The following ARHGAP31 variants were observed in gnomAD, a reference collection of about 807,000 sequenced individuals.
ARHGAP31 encodes the protein rho GTPase-activating protein 31.
Under a neutral mutation model 113.9 loss-of-function variants are expected in ARHGAP31, and 34 were observed. The observed-to-expected ratio is 0.30, with a 90% CI of 0.23 to 0.40. The LOEUF is 0.40. Ranked by LOEUF, ARHGAP31 falls within the 10% of genes least tolerant of loss-of-function variation. ARHGAP31 has a pLI of 1.00. For synonymous variants in ARHGAP31, 650 were observed against 684.8 expected (o/e 0.95, Z 0.79); for missense variants, 1,548 against 1,767.1 (o/e 0.88, Z 2.22).
intron 1 of ARHGAP31, among the ~76,000 whole-genome samples, chr3:119,335,896 G>A (rs950003153): frequency 8.5e-5 from 13 of 152,228 alleles, no homozygotes; most frequent in South Asian, 2.1e-4. Context: ...ATTCTGGCCA[G>A]GAGCGGTAGC....
At chr3:119,342,955 A>C (rs938827222) in intron 1 of ARHGAP31, among the ~76,000 whole-genome samples, 2 of 152,212 alleles carry the variant, frequency 1.3e-5, no homozygotes, top group Non-Finnish European at 2.9e-5. Context: ...GTCTCAAAAA[A>C]AAAAAATAAA....
intron 1 of ARHGAP31, among the ~76,000 whole-genome samples, chr3:119,310,122 C>T (rs1214798386): frequency 6.6e-6 from 1 of 152,194 alleles, no homozygotes; most frequent in Non-Finnish European, 1.5e-5. Context: ...AAATTATCCT[C>T]CCGTCAAGCT....
At chr3:119,395,393 G>T (rs2080541863) in intron 8 of ARHGAP31, among the ~76,000 whole-genome samples, 1 of 152,150 alleles carries the variant, frequency 6.6e-6, no homozygotes, top group Non-Finnish European at 1.5e-5. Context: ...GGCTTCAGGG[G>T]GTTTAATACA....
intron 1 of ARHGAP31, among the ~76,000 whole-genome samples, chr3:119,350,527 C>T (rs1446830638): frequency 6.6e-6 from 1 of 152,128 alleles, no homozygotes; most frequent in Non-Finnish European, 1.5e-5. Context: ...AGCTCTACAG[C>T]CTGGGAAACC....
Position 119,294,974 on chromosome 3 carries a change from A to G in ARHGAP31, c.70A>G (p.Thr24Ala). 4 of 1,614,066 alleles carry G rather than the reference A, an allele frequency of 2.5e-6. No individual in the cohort carries two copies. The highest frequency in any genetic ancestry group is 1.1e-5 in the South Asian group (1 of 91,078). ...CGCCAGCGCGTTTGGCTGTGACCTG[A>G]CGGAGTATCTGGAAAGCTCGGGACA... ...GAASAFGCDL[T>A]EYLESSGQDV... The change falls in exon 1 of 12, where the codon ACG (threonine) becomes GCG (alanine). Residue 24 changes from threonine to alanine, a missense_variant. By Grantham distance (58) the Thr-to-Ala change is moderately conservative. Transcript: ENST00000264245.
chr3:119,339,215 C>A (rs1438953804), intron 1 of ARHGAP31, among the ~76,000 whole-genome samples: 1 of 152,028 alleles, frequency 6.6e-6, no homozygotes, highest in African/African-American at 2.4e-5. Context: ...CAATGAAAGG[C>A]GAATTATAAG....
intron 1 of ARHGAP31, among the ~76,000 whole-genome samples, chr3:119,301,567 G>T (rs1305606409): frequency 6.6e-6 from 1 of 152,226 alleles, no homozygotes; most frequent in East Asian, 1.9e-4. Flanking sequence ...GTGGAAGCAG[G>T]TGTGAGGGGA....
intron 1 of ARHGAP31, among the ~76,000 whole-genome samples, chr3:119,348,598 T>C (rs1036788884): frequency 1.3e-5 from 2 of 152,232 alleles, no homozygotes; most frequent in African/African-American, 2.4e-5. Context: ...TAAAACGGTG[T>C]AGTATTTGCA....
At chr3:119,295,128 G>T in intron 1 of ARHGAP31, 124 bp downstream of exon 1, 1 of 854,886 alleles carries the variant, frequency 1.2e-6, no homozygotes. Flanking sequence ...TGCGCTCATT[G>T]CACTTTTTTT....
Position 119,415,174 on chromosome 3 carries a change from G to T in ARHGAP31, c.3245G>T (p.Gly1082Val). The part of the protein sequence containing the change: ...SPSVQDSTSP[G>V]EHPAKLQLKS... Reference sequence around the variant, plus strand: ...AGCGTGCAGGACAGCACTTCGCCTGGAGAGCACCCCGCAAAGTTACAGCTA... The same window carrying T: ...AGCGTGCAGGACAGCACTTCGCCTGTAGAGCACCCCGCAAAGTTACAGCTA... Residue 1082 changes from glycine to valine, a missense_variant, in exon 12 of 12, where the codon GGA becomes GTA. Gly to Val is a moderately radical substitution (Grantham distance 109, BLOSUM62 -3). Transcript: ENST00000264245. 1 of 1,614,214 alleles carries T rather than the reference G, an allele frequency of 6.2e-7. No individual in the cohort carries two copies. The highest frequency in any genetic ancestry group is 8.5e-7 in the Non-Finnish European group (1 of 1,180,040).
intron 8 of ARHGAP31, among the ~76,000 whole-genome samples, chr3:119,398,340 C>T (rs1329071514): frequency 3.3e-5 from 5 of 152,102 alleles, no homozygotes; most frequent in Admixed American, 1.3e-4. Context: ...AGCCCAAAAG[C>T]GGCAGAGCTG....
chr3:119,414,662 C>A lies in ARHGAP31; in HGVS notation c.2733C>A (p.Pro911=). The change falls in exon 12 of 12, where the codon CCC becomes CCA. Residue 911 remains proline (P), a synonymous_variant. Transcript: ENST00000264245. ...GLEMVEPWEE[P]QWVTSPLHSP... Reference sequence around the variant, plus strand: ...AGATGGTGGAGCCCTGGGAGGAACCCCAGTGGGTGACGAGTCCCCTTCACT... The same window carrying A: ...AGATGGTGGAGCCCTGGGAGGAACCACAGTGGGTGACGAGTCCCCTTCACT... 6.2e-7 allele frequency: 1 copy of A among 1,614,216 alleles called. No homozygotes were observed. Among genetic ancestry groups the A allele is most frequent in the Non-Finnish European group, 8.5e-7 (1 of 1,180,040 alleles).
At position 119,414,478 on chromosome 3, in the gene ARHGAP31, A is replaced by G. The variant is rs1461107079; in HGVS notation, c.2549A>G (p.Lys850Arg). The G allele has an allele frequency of 1.2e-6, 2 of 1,614,220 alleles. No homozygotes were observed. The highest frequency in any genetic ancestry group is 1.7e-6 in the Non-Finnish European group (2 of 1,180,034). ...TPRHSDKQNS[K>R]NAASEGKGCG... ...AGACACAGTGACAAGCAAAATTCAA[A>G]GAATGCTGCTTCTGAGGGGAAAGGC... Residue 850 changes from lysine to arginine, a missense_variant, in exon 12 of 12, where the codon AAG becomes AGG. Coordinates refer to ENST00000264245, the MANE Select transcript of ARHGAP31 (RefSeq NM_020754.4).
At chr3:119,362,281 G>C (rs1025155490) in intron 1 of ARHGAP31, among the ~76,000 whole-genome samples, 1 of 152,208 alleles carries the variant, frequency 6.6e-6, no homozygotes, top group Non-Finnish European at 1.5e-5. Flanking sequence ...CTGTGGTACA[G>C]ACTTGAAATG....
At chr3:119,298,476 G>A (rs1468427289) in intron 1 of ARHGAP31, among the ~76,000 whole-genome samples, 1 of 152,044 alleles carries the variant, frequency 6.6e-6, no homozygotes, top group African/African-American at 2.4e-5. Flanking sequence ...AAGTGTTCTG[G>A]GTCTTCTATT....
At chr3:119,327,109 C>A (rs2079851770) in intron 1 of ARHGAP31, among the ~76,000 whole-genome samples, 1 of 152,130 alleles carries the variant, frequency 6.6e-6, no homozygotes, top group African/African-American at 2.4e-5. Flanking sequence ...CACTGCACTC[C>A]AGCCTGGGCG....
At chr3:119,379,031 A>C (rs2080373517) in intron 3 of ARHGAP31, among the ~76,000 whole-genome samples, 1 of 152,184 alleles carries the variant, frequency 6.6e-6, no homozygotes, top group African/African-American at 2.4e-5. Context: ...CACATAGAGA[A>C]GTTGGATTGC....
At chr3:119,398,138 G>C (rs1265058127) in intron 8 of ARHGAP31, among the ~76,000 whole-genome samples, 1 of 151,966 alleles carries the variant, frequency 6.6e-6, no homozygotes. Context: ...TTGTTGGTGT[G>C]TGCCTATAGT....
chr3:119,305,924 C>T (rs2079627454), intron 1 of ARHGAP31, among the ~76,000 whole-genome samples: 1 of 151,606 alleles, frequency 6.6e-6, no homozygotes, highest in Non-Finnish European at 1.5e-5. Flanking sequence ...GTCCTGTTTT[C>T]CCCCCTCCTA....
Sources: allele counts gnomAD v4.1 joint callset (sites outside exome capture counted in the v4.1 genomes callset), GRCh38; gene constraint gnomAD v4.1.1; transcripts MANE v1.5; gene names NCBI Gene and HGNC (gene_info 2026-07-23, HGNC 2026-07-21).